The following FGF1 variants were observed in gnomAD, a reference collection of about 807,000 sequenced individuals.
FGF1 encodes the protein beta-endothelial cell growth factor.
In FGF1, 9 loss-of-function variants were observed where a neutral mutation model predicts 13.4. That is an observed-to-expected ratio of 0.67 (90% CI 0.40 to 1.17). The LOEUF (loss-of-function observed/expected upper bound fraction) is 1.17. Ranked by LOEUF, FGF1 falls within the 50% of genes most tolerant of loss-of-function variation. The pLI, the probability that FGF1 is intolerant of heterozygous loss-of-function variation, is 0.01. For missense variants in FGF1, 156 were observed against 192.7 expected (o/e 0.81, Z 1.13); for synonymous variants, 93 against 79.0 (o/e 1.18, Z -0.94).
chr5:142,646,890 G>A (rs1561657450), intron 1 of FGF1, among the ~76,000 whole-genome samples: 1 of 152,106 alleles, frequency 6.6e-6, no homozygotes, highest in Non-Finnish European at 1.5e-5. Context: ...CAGAATCTGG[G>A]ACCTGGCCCA....
intron 3 of FGF1, among the ~76,000 whole-genome samples, chr5:142,596,939 T>C (rs1755408690): frequency 6.6e-6 from 1 of 152,186 alleles, no homozygotes; most frequent in Non-Finnish European, 1.5e-5. Context: ...AGACTTATGA[T>C]ATCATCAAAA....
At chr5:142,650,189 G>T (rs1407451567) in intron 1 of FGF1, among the ~76,000 whole-genome samples, 1 of 152,162 alleles carries the variant, frequency 6.6e-6, no homozygotes, top group African/African-American at 2.4e-5. Context: ...GGGCGTGCAG[G>T]GGGAGGGATG....
intron 1 of FGF1, among the ~76,000 whole-genome samples, chr5:142,677,807 T>C (rs1772917195): frequency 6.6e-6 from 1 of 152,216 alleles, no homozygotes. Context: ...GACAAGGTCT[T>C]ATTCCTGCCT....
chr5:142,655,269 T>C (rs1199877289), intron 1 of FGF1, among the ~76,000 whole-genome samples: 1 of 152,202 alleles, frequency 6.6e-6, no homozygotes, highest in Non-Finnish European at 1.5e-5. Flanking sequence ...TTTTGCAATA[T>C]TAACACTGCC....
chr5:142,662,804 A>C (rs898475425), intron 1 of FGF1, among the ~76,000 whole-genome samples: 2 of 152,186 alleles, frequency 1.3e-5, no homozygotes, highest in Non-Finnish European at 1.5e-5. Flanking sequence ...TCTAACATCC[A>C]GTAAAGGTTT....
intron 1 of FGF1, among the ~76,000 whole-genome samples, chr5:142,627,637 C>T (rs1267844235): frequency 6.6e-6 from 1 of 152,120 alleles, no homozygotes; most frequent in Non-Finnish European, 1.5e-5. Context: ...CCCAGCATGC[C>T]CCAAGCACCA....
At chr5:142,661,838 C>A (rs1420263010) in intron 1 of FGF1, among the ~76,000 whole-genome samples, 1 of 152,036 alleles carries the variant, frequency 6.6e-6, no homozygotes, top group Non-Finnish European at 1.5e-5. Flanking sequence ...CCCGTCTCTA[C>A]TAAAAATACA....
At chr5:142,691,435 TAAAATAAAATAAAATAAAATAAAATAA>T (rs1404549477) in intron 2 of FGF1, among the ~76,000 whole-genome samples, 2 of 94,380 alleles carry the variant, frequency 2.1e-5, no homozygotes, top group Admixed American at 1.0e-4. Flanking sequence ...TAAAATAAAA[TAAAATAAAATAAAATAAAATAAAATAA>T]AATAAAATAA....
intron 2 of FGF1, among the ~76,000 whole-genome samples, chr5:142,697,298 G>T (rs544863994): frequency 6.6e-6 from 1 of 152,292 alleles, no homozygotes; most frequent in African/African-American, 2.4e-5. Context: ...ACTGTAATGG[G>T]ATTTGTCTAA....
rs3083618 is a variant in FGF1 at position 142,608,797 on chromosome 5, A to ATGTG, written c.169+5158_169+5161dup. 4.1e-5 allele frequency among the ~76,000 whole-genome samples: 6 copies of ATGTG among 144,726 alleles called. No individual in the cohort carries two copies. The East Asian group carries it at 6.0e-4, about 14-fold the overall frequency. 94.9% of individuals were successfully genotyped at this position (144,726 alleles called of 152,430 possible). On this transcript the variant is annotated intron_variant, in intron 2 of 3. Transcript: ENST00000337706. ...ATATATATAGTATATGTGATATATT[A>ATGTG]TGTGTGTGTGTGTGTGTGTATTTTA... is the stretch of plus-strand genomic sequence containing the variant.
chr5:142,595,364 A>C lies in FGF1; in HGVS notation c.394T>G (p.Cys132Gly), dbSNP rs761839384. The C allele has an allele frequency of 2.5e-5, 40 of 1,614,002 alleles. 1 individual carries two copies. The South Asian group carries it at 2.7e-4, about 11-fold the overall frequency. The change falls in exon 4 of 4, where the codon TGC (cysteine) becomes GGC (glycine). Residue 132 changes from cysteine to glycine, a missense_variant. Cys to Gly is a radical substitution (Grantham distance 159, BLOSUM62 -3). Transcript: ENST00000337706. ...WFVGLKKNGS[C>G]KRGPRTHYGQ... ...TAGTGAGTCCGAGGACCGCGTTTGC[A>C]GCTCCCATTCTTCTTGAGGCCAACA... is the stretch of plus-strand genomic sequence containing the variant.
At chr5:142,644,558 A>G (rs1439549071) in intron 1 of FGF1, among the ~76,000 whole-genome samples, 1 of 152,116 alleles carries the variant, frequency 6.6e-6, no homozygotes. Context: ...TCTAGAGTCA[A>G]TTTTGGTTGC....
intron 1 of FGF1, chr5:142,680,620 C>T (rs1773534456): frequency 6.6e-6 from 1 of 152,088 alleles, no homozygotes; most frequent in Non-Finnish European, 1.5e-5. Context: ...GAGACTAGCC[C>T]AAGCATAGGG....
chr5:142,607,290 C>A (rs545833606), intron 2 of FGF1, among the ~76,000 whole-genome samples: 5 of 152,162 alleles, frequency 3.3e-5, no homozygotes, highest in South Asian at 4.2e-4. Flanking sequence ...TTTTTCAATA[C>A]CCCCCGACCA....
At chr5:142,634,648 C>A (rs1369090022) in intron 1 of FGF1, among the ~76,000 whole-genome samples, 1 of 152,096 alleles carries the variant, frequency 6.6e-6, no homozygotes, top group Non-Finnish European at 1.5e-5. Flanking sequence ...AGGGAATAGT[C>A]CAGTACGCAG....
At position 142,610,555 on chromosome 5, in the gene FGF1, C is replaced by T. The variant is rs149128913; in HGVS notation, c.169+3404G>A. Among the ~76,000 whole-genome samples the T allele has an allele frequency of 3.6e-3, 544 of 152,298 alleles. 4 individuals are homozygous for T. Among genetic ancestry groups the T allele is most frequent in the African/African-American group, 0.013 (524 of 41,546 alleles). The stretch of plus-strand genomic sequence containing the variant: ...TCATGGTGACACCACTTATGTGTCC[C>T]CCTGAGCTGAAGCTTAGGGGACAAC... On this transcript the variant is annotated intron_variant, in intron 2 of 3. Coordinates refer to ENST00000337706, the MANE Select transcript of FGF1 (RefSeq NM_000800.5).
chr5:142,681,360 C>T (rs768950161), intron 1 of FGF1, among the ~76,000 whole-genome samples: 1 of 152,194 alleles, frequency 6.6e-6, no homozygotes, highest in Non-Finnish European at 1.5e-5. Flanking sequence ...TGGCCCAGCA[C>T]GCTTGCTGTG....
chr5:142,680,534 A>C (rs1773511583), intron 1 of FGF1, among the ~76,000 whole-genome samples: 1 of 151,710 alleles, frequency 6.6e-6, no homozygotes, highest in South Asian at 2.1e-4. Flanking sequence ...ACTACCAGTG[A>C]GGTTTTTCCC....
At chr5:142,645,962 G>A (rs550622226) in intron 1 of FGF1, among the ~76,000 whole-genome samples, 20 of 152,222 alleles carry the variant, frequency 1.3e-4, no homozygotes, top group Admixed American at 5.9e-4. Context: ...AGGCTGAAGC[G>A]CAGTGGTGCG....
Sources: gnomAD v4.1 joint callset for allele counts (sites outside exome capture counted in the v4.1 genomes callset) on GRCh38, gnomAD v4.1.1 for gene constraint, MANE v1.5 for transcripts, NCBI Gene and HGNC (gene_info 2026-07-23, HGNC 2026-07-21) for gene names.